The following TTLL5 variants were observed in gnomAD, a reference collection of about 807,000 sequenced individuals.
TTLL5 encodes the protein tubulin tyrosine ligase like 5.
TTLL5 carries 132 observed loss-of-function variants against 168.4 expected under a neutral mutation model. The observed-to-expected ratio is 0.78, with a 90% CI of 0.68 to 0.91. The LOEUF is 0.91. TTLL5 is among the 40% of genes least tolerant of loss of function. TTLL5 has a pLI of 0.00. For missense variants in TTLL5, 1,545 were observed against 1,581.5 expected, an observed-to-expected ratio of 0.98 and a Z score of 0.39; for synonymous variants, 546 against 558.6, an observed-to-expected ratio of 0.98 and a Z score of 0.32.
chr14:75,820,095 G>T lies in TTLL5; in HGVS notation c.3260G>T (p.Gly1087Val). The T allele has an allele frequency of 1.2e-6, 2 of 1,609,032 alleles. No homozygotes were observed. The highest frequency in any genetic ancestry group is 1.7e-5 in the Admixed American group (1 of 59,318). ...PTLRPIISPS[G>V]PTWSTQSDPQ... ...CTCCGACCCATCATCAGTCCTAGTG[G>T]CCCGACATGGTCTACACAGTCAGAC... Residue 1087 changes from glycine to valine, a missense_variant, in exon 28 of 32, where the codon GGC becomes GTC. Transcript: ENST00000298832.
At position 75,793,069 on chromosome 14, in the gene TTLL5, C is replaced by T; in HGVS notation, c.3140C>T (p.Pro1047Leu). 4 of 1,612,674 alleles carry T rather than the reference C, an allele frequency of 2.5e-6. No homozygotes were observed. Among genetic ancestry groups the T allele is most frequent in the Non-Finnish European group, 2.5e-6 (3 of 1,179,148 alleles). The change falls in exon 27 of 32, where the codon CCA becomes CTA. Residue 1047 changes from proline to leucine, a missense_variant. By Grantham distance (98) the Pro-to-Leu change is moderately conservative (BLOSUM62 -3). Coordinates refer to ENST00000298832, the MANE Select transcript of TTLL5 (RefSeq NM_015072.5). ...AEKQAARQYS[P>L]SSHINLLTQQ... is the part of the protein sequence containing the mutation. Reference sequence around the variant, plus strand: ...AAGCAGGCAGCGAGACAGTATTCTCCATCCAGCCACATCAACCTCCTCACC... The same window carrying T: ...AAGCAGGCAGCGAGACAGTATTCTCTATCCAGCCACATCAACCTCCTCACC...
At chr14:75,717,821 AACTC>A in intron 9 of TTLL5, 36 bp from the exon 10 acceptor site, 1 of 1,588,794 alleles carries the variant, frequency 6.3e-7, no homozygotes, top group Non-Finnish European at 8.6e-7. Flanking sequence ...ATTTCCTTGA[AACTC>A]TGTTCCTGGC....
chr14:75,769,340 T>G (rs1205711497), intron 20 of TTLL5, among the ~76,000 whole-genome samples: 1 of 152,234 alleles, frequency 6.6e-6, no homozygotes, highest in Non-Finnish European at 1.5e-5. Context: ...CGCGTCATTG[T>G]TGCATATCTT....
At chr14:75,797,855 TG>T (rs1233128003) in intron 27 of TTLL5, among the ~76,000 whole-genome samples, 1 of 152,134 alleles carries the variant, frequency 6.6e-6, no homozygotes, top group Non-Finnish European at 1.5e-5. Flanking sequence ...CCTAGAATTT[TG>T]TTGGGGATTT....
At chr14:75,731,483 A>G (rs998451629) in intron 12 of TTLL5, among the ~76,000 whole-genome samples, 1 of 151,868 alleles carries the variant, frequency 6.6e-6, no homozygotes, top group Non-Finnish European at 1.5e-5. Context: ...GAAGGGTTTC[A>G]AAGTTAACCT....
intron 3 of TTLL5, among the ~76,000 whole-genome samples, chr14:75,670,155 A>C (rs1428988660): frequency 6.6e-6 from 1 of 152,018 alleles, no homozygotes; most frequent in African/African-American, 2.4e-5. Context: ...CCAATGATAC[A>C]CCACATTTTG....
At chr14:75,772,969 A>G (rs1267117950) in intron 21 of TTLL5, among the ~76,000 whole-genome samples, 2 of 151,978 alleles carry the variant, frequency 1.3e-5, no homozygotes, top group East Asian at 3.9e-4. Flanking sequence ...GCCTGGCCCC[A>G]TATTCTTTTT....
At chr14:75,717,094 T>G (rs1887520502) in intron 9 of TTLL5, among the ~76,000 whole-genome samples, 2 of 152,160 alleles carry the variant, frequency 1.3e-5, no homozygotes, top group Admixed American at 6.5e-5. Flanking sequence ...TGCTTATTTT[T>G]TTTTTCATTG....
At chr14:75,773,035 A>G (rs978934112) in intron 21 of TTLL5, among the ~76,000 whole-genome samples, 3 of 152,186 alleles carry the variant, frequency 2.0e-5, no homozygotes, top group Non-Finnish European at 2.9e-5. Context: ...AGAAAGCTGC[A>G]TTCTTTGTTC....
intron 28 of TTLL5, among the ~76,000 whole-genome samples, chr14:75,840,944 G>A (rs1030261428): frequency 6.6e-6 from 1 of 152,186 alleles, no homozygotes; most frequent in Non-Finnish European, 1.5e-5. Flanking sequence ...CTTCTGGTAG[G>A]GGCCTCAGAA....
chr14:75,836,911 T>A (rs1226038582), intron 28 of TTLL5, among the ~76,000 whole-genome samples: 1 of 152,224 alleles, frequency 6.6e-6, no homozygotes, highest in East Asian at 1.9e-4. Flanking sequence ...GACATGATAA[T>A]GCTTTAAAGC....
intron 31 of TTLL5, among the ~76,000 whole-genome samples, chr14:75,934,884 A>G (rs1018891156): frequency 6.6e-6 from 1 of 152,214 alleles, no homozygotes; most frequent in Non-Finnish European, 1.5e-5. Flanking sequence ...GTGCACCATA[A>G]TACCCAAAGA....
intron 29 of TTLL5, among the ~76,000 whole-genome samples, chr14:75,880,719 A>G (rs1180685157): frequency 2.0e-5 from 3 of 152,188 alleles, no homozygotes; most frequent in African/African-American, 7.2e-5. Flanking sequence ...CTGCAAAGAA[A>G]GGGTTTGTTG....
In TTLL5 at chr14:75,701,091, A is replaced by G. The variant is rs10134139; in HGVS notation, c.585+1821A>G. Among the ~76,000 whole-genome samples, 1,361 of 150,554 alleles carry G rather than the reference A, an allele frequency of 9.0e-3. 23 individuals carry two copies. Among genetic ancestry groups the G allele is most frequent in the African/African-American group, 0.032 (1,308 of 40,900 alleles). On this transcript the variant is annotated intron_variant, in intron 7 of 31. Coordinates refer to ENST00000298832, the MANE Select transcript of TTLL5 (RefSeq NM_015072.5). Reference sequence around the variant, plus strand: ...TCTTCTAGATCACAGGTTGAGGTTTATCCATTTATTATTCATTTATCTACT... The same window carrying G: ...TCTTCTAGATCACAGGTTGAGGTTTGTCCATTTATTATTCATTTATCTACT...
At chr14:75,899,370 A>C (rs1595231860) in intron 30 of TTLL5, among the ~76,000 whole-genome samples, 1 of 152,216 alleles carries the variant, frequency 6.6e-6, no homozygotes, top group Non-Finnish European at 1.5e-5. Flanking sequence ...GCTGAGTTTC[A>C]AAAGTTCTCA....
Position 75,775,561 on chromosome 14 carries a change from A to C in TTLL5, c.2214A>C (p.Arg738=). 1 of 1,614,132 alleles carries C rather than the reference A, an allele frequency of 6.2e-7. No individual in the cohort carries two copies. The highest frequency in any genetic ancestry group is 8.5e-7 in the Non-Finnish European group (1 of 1,180,006). The change falls in exon 22 of 32, where the codon CGA becomes CGC. Residue 738 remains arginine, a synonymous_variant. Transcript: ENST00000298832. ...TGAGGATGGTATTACCCAGTCGACG[A>C]TTGGCACTTCTGGAACGCAGAAGAA... is the stretch of plus-strand genomic sequence containing the variant. ...HSLRMVLPSR[R]LALLERRRIL... is the part of the protein sequence containing the mutation.
At chr14:75,773,542 T>C (rs941254601) in intron 21 of TTLL5, among the ~76,000 whole-genome samples, 3 of 152,182 alleles carry the variant, frequency 2.0e-5, no homozygotes, top group African/African-American at 7.2e-5. Context: ...TCTACAAGAA[T>C]ATTGAGGATC....
chr14:75,871,884 A>T (rs1448654031), intron 29 of TTLL5, among the ~76,000 whole-genome samples: 2 of 152,252 alleles, frequency 1.3e-5, no homozygotes, highest in East Asian at 1.9e-4. Flanking sequence ...ACATTTGAAG[A>T]CAGAGACAAG....
chr14:75,941,557 A>G (rs988393935), intron 31 of TTLL5: 6 of 152,110 alleles, frequency 3.9e-5, no homozygotes, highest in African/African-American at 1.2e-4. Context: ...TTTCTTATTC[A>G]CTTCAGACCT....
Sources: allele counts gnomAD v4.1 joint callset (sites outside exome capture counted in the v4.1 genomes callset), GRCh38; gene constraint gnomAD v4.1.1; transcripts MANE v1.5; gene names NCBI Gene and HGNC (gene_info 2026-07-23, HGNC 2026-07-21).